DNAL1: variants seen among roughly 807,000 people sequenced by gnomAD.
The protein encoded by DNAL1 is chromosome 14 open reading frame 168.
DNAL1 carries 17 observed loss-of-function variants against 29.4 expected under a neutral mutation model. The ratio of observed to expected loss-of-function variants is 0.58; its 90% CI spans 0.40 to 0.87. The LOEUF is 0.87. Among genes scored for constraint, DNAL1 ranks in the 40% least tolerant of loss-of-function variants. DNAL1 has a pLI of 0.00. For synonymous variants in DNAL1, 78 were observed against 76.3 expected (o/e 1.02, Z -0.12); for missense variants, 188 against 214.1 (o/e 0.88, Z 0.76).
intron 4 of DNAL1, among the ~76,000 whole-genome samples, chr14:73,666,527 A>C (rs950511708): frequency 7.9e-5 from 12 of 152,188 alleles, no homozygotes; most frequent in Non-Finnish European, 1.2e-4. Flanking sequence ...CTTTTCTTCT[A>C]GTGGTACCCT....
At chr14:73,694,838 C>T (rs1472099235) in intron 7 of DNAL1, among the ~76,000 whole-genome samples, 3 of 151,600 alleles carry the variant, frequency 2.0e-5, no homozygotes, top group East Asian at 1.9e-4. Context: ...TACAGGCATG[C>T]GCCACAACAG....
chr14:73,696,550 G>A lies in DNAL1; in HGVS notation c.*608G>A, dbSNP rs890672619. 2 of 152,184 alleles carry A rather than the reference G, an allele frequency of 1.3e-5. No homozygotes were observed. The highest frequency in any genetic ancestry group is 2.9e-5 in the Non-Finnish European group (2 of 68,034). The allele number at this position is 152,184 out of a possible 1,614,324, so 9.4% of individuals were successfully genotyped here. ...TATACTTATTTGTTTTTCCAAAAAT[G>A]TGCACATTGTCAACTGGAATTTAGG... is the stretch of plus-strand genomic sequence containing the variant. On this transcript the variant is annotated 3_prime_UTR_variant, in exon 8 of 8. Coordinates refer to ENST00000553645, the MANE Select transcript of DNAL1 (RefSeq NM_031427.4).
At chr14:73,662,132 A>G in intron 4 of DNAL1, 90 bp downstream of exon 4, 1 of 1,153,790 alleles carries the variant, frequency 8.7e-7, no homozygotes, top group Non-Finnish European at 1.3e-6. Context: ...AGAAGCTGGC[A>G]CCTGTTTTAG....
intron 1 of DNAL1, 130 bp downstream of exon 1, chr14:73,645,172 TG>T: frequency 6.6e-7 from 1 of 1,504,978 alleles, no homozygotes; most frequent in Non-Finnish European, 9.0e-7. Flanking sequence ...GCTAGCTCTG[TG>T]GAGTCAGGGG....
At position 73,703,350 on chromosome 14, in the gene DNAL1, T is replaced by A. The variant is rs1398538950; in HGVS notation, c.*7408T>A. 6.6e-6 allele frequency: 1 copy of A among 152,248 alleles called. No individual in the cohort carries two copies. Among genetic ancestry groups the A allele is most frequent in the East Asian group, 1.9e-4 (1 of 5,202 alleles). 9.4% of individuals were successfully genotyped at this position (152,248 alleles called of 1,614,324 possible). A position where few individuals can be genotyped will look rare whatever the true frequency, so the allele number is the denominator to read the frequency against. On this transcript the variant is annotated 3_prime_UTR_variant, in exon 8 of 8. Transcript: ENST00000553645. ...TCTTAGGTGATAACTGTCAGACCTC[T>A]GAGCCCAAGCTAAGCCATCGCATCC...
chr14:73,680,543 T>C lies in DNAL1; in HGVS notation c.265-6716T>C, dbSNP rs140872856. On this transcript the variant is annotated intron_variant, in intron 5 of 7. Coordinates refer to ENST00000553645, the MANE Select transcript of DNAL1 (RefSeq NM_031427.4). ...AATTGACACATTATAATTATACTTA[T>C]TCATGGGGTACAATGCTATGTTTTG... is the stretch of plus-strand genomic sequence containing the variant. Among the ~76,000 whole-genome samples the C allele has an allele frequency of 8.8e-3, 1,344 of 152,296 alleles. 15 individuals are homozygous for C. The highest frequency in any genetic ancestry group is 0.031 in the African/African-American group (1,291 of 41,550).
At chr14:73,669,337 C>T (rs1438516510) in intron 4 of DNAL1, among the ~76,000 whole-genome samples, 14 of 151,920 alleles carry the variant, frequency 9.2e-5, no homozygotes, top group South Asian at 2.1e-4. Context: ...AGTGCAGTGG[C>T]GCAATCTTGG....
intron 5 of DNAL1, among the ~76,000 whole-genome samples, chr14:73,678,287 CTT>C (rs2140049401): frequency 6.6e-6 from 1 of 152,094 alleles, no homozygotes; most frequent in African/African-American, 2.4e-5. Flanking sequence ...CTAGATTTAT[CTT>C]TTTCTTACTG....
At chr14:73,662,607 C>T (rs1891382055) in intron 4 of DNAL1, among the ~76,000 whole-genome samples, 1 of 152,106 alleles carries the variant, frequency 6.6e-6, no homozygotes, top group Admixed American at 6.6e-5. Context: ...TAGCCTCTTC[C>T]AGCTTCTGGT....
chr14:73,682,994 A>G (rs1201808699), intron 5 of DNAL1, among the ~76,000 whole-genome samples: 1 of 149,550 alleles, frequency 6.7e-6, no homozygotes, highest in Non-Finnish European at 1.5e-5. Flanking sequence ...CTTCTGCCTC[A>G]GCCTTCCGAG....
At position 73,696,269 on chromosome 14, in the gene DNAL1, GT is replaced by G. The variant is rs147394906; in HGVS notation, c.*334del. 0.011 allele frequency: 1,938 copies of G among 176,882 alleles called. 46 individuals are homozygous for G. Among genetic ancestry groups the G allele is most frequent in the African/African-American group, 0.043 (1,834 of 42,374 alleles). The allele number at this position is 176,882 out of a possible 1,614,324, so 11.0% of individuals were successfully genotyped here. A position where few individuals can be genotyped will look rare whatever the true frequency, so the allele number is the denominator to read the frequency against. On this transcript the variant is annotated 3_prime_UTR_variant, in exon 8 of 8. Coordinates refer to ENST00000553645, the MANE Select transcript of DNAL1 (RefSeq NM_031427.4). ...CATTTTTAATAACAAAGGAACAAAT[GT>G]TTTTTTCAGTTTGTTCATTTTTTTT...
At chr14:73,679,057 T>C (rs911564324) in intron 5 of DNAL1, among the ~76,000 whole-genome samples, 1 of 152,144 alleles carries the variant, frequency 6.6e-6, no homozygotes, top group Non-Finnish European at 1.5e-5. Flanking sequence ...AGTGCAGTGA[T>C]TGGATCTCGG....
At chr14:73,683,442 A>G (rs1013514981) in intron 5 of DNAL1, among the ~76,000 whole-genome samples, 2 of 152,048 alleles carry the variant, frequency 1.3e-5, no homozygotes, top group African/African-American at 4.8e-5. Flanking sequence ...TTATAATCTT[A>G]TGGGACCACC....
chr14:73,677,072 G>T (rs569482870), intron 5 of DNAL1, among the ~76,000 whole-genome samples: 1 of 149,990 alleles, frequency 6.7e-6, no homozygotes, highest in South Asian at 2.1e-4. Context: ...CTGGGTTCAC[G>T]CCATTCTCCT....
At chr14:73,655,329 C>G (rs948074061) in intron 2 of DNAL1, among the ~76,000 whole-genome samples, 1 of 150,020 alleles carries the variant, frequency 6.7e-6, no homozygotes, top group Non-Finnish European at 1.5e-5. Context: ...AGTACATTTT[C>G]TTTTTCTTTT....
chr14:73,648,323 C>T (rs1891026003), intron 1 of DNAL1, among the ~76,000 whole-genome samples: 1 of 144,322 alleles, frequency 6.9e-6, no homozygotes, highest in Non-Finnish European at 1.5e-5. Flanking sequence ...CTAACTTTTG[C>T]CAATCCGAGG....
At chr14:73,672,259 A>G (rs1241038939) in intron 5 of DNAL1, among the ~76,000 whole-genome samples, 1 of 152,176 alleles carries the variant, frequency 6.6e-6, no homozygotes, top group Non-Finnish European at 1.5e-5. Context: ...CACCTCTGTG[A>G]TTCTATTTAC....
At chr14:73,685,402 G>A (rs974567487) in intron 5 of DNAL1, among the ~76,000 whole-genome samples, 7 of 150,874 alleles carry the variant, frequency 4.6e-5, no homozygotes, top group African/African-American at 1.2e-4. Flanking sequence ...TTAACTTAGC[G>A]TAATATCCTC....
chr14:73,677,822 G>T (rs1367214698), intron 5 of DNAL1, among the ~76,000 whole-genome samples: 1 of 150,588 alleles, frequency 6.6e-6, no homozygotes, highest in Non-Finnish European at 1.5e-5. Context: ...CTCCCAAAGT[G>T]CTGGGATTAC....
Sources: allele counts gnomAD v4.1 joint callset (sites outside exome capture counted in the v4.1 genomes callset), GRCh38; gene constraint gnomAD v4.1.1; transcripts MANE v1.5; gene names NCBI Gene and HGNC (gene_info 2026-07-23, HGNC 2026-07-21).